Variants in GLRB observed in about 807,000 individuals in gnomAD.
GLRB encodes glycine receptor beta.
In GLRB, 33 loss-of-function variants were observed where a neutral mutation model predicts 54.2. The observed-to-expected ratio is 0.61, with a 90% CI of 0.46 to 0.81. The LOEUF (loss-of-function observed/expected upper bound fraction) is 0.81. GLRB is among the 40% of genes least tolerant of loss of function. GLRB has a pLI of 0.00. For synonymous variants in GLRB, 209 were observed against 208.2 expected (o/e 1.00, Z -0.03); for missense variants, 572 against 584.6 (o/e 0.98, Z 0.22).
chr4:157,148,850 T>C (rs974709692), intron 8 of GLRB, among the ~76,000 whole-genome samples: 1 of 152,114 alleles, frequency 6.6e-6, no homozygotes, highest in Non-Finnish European at 1.5e-5. Flanking sequence ...ACCGTCAAGT[T>C]GGTTAGTAGC....
intron 2 of GLRB, among the ~76,000 whole-genome samples, chr4:157,085,691 G>T (rs1734384392): frequency 6.6e-6 from 1 of 151,990 alleles, no homozygotes; most frequent in South Asian, 2.1e-4. Context: ...TAGAGATGGG[G>T]TTTCACTGTG....
intron 2 of GLRB, among the ~76,000 whole-genome samples, 168 bp from the exon 3 acceptor site, chr4:157,120,388 A>C (rs1455918947): frequency 6.8e-6 from 1 of 147,002 alleles, no homozygotes; most frequent in Non-Finnish European, 1.5e-5. Flanking sequence ...TATAATAATA[A>C]TAAAATAAAA....
At chr4:157,089,354 G>A (rs1027675394) in intron 2 of GLRB, among the ~76,000 whole-genome samples, 2 of 152,130 alleles carry the variant, frequency 1.3e-5, no homozygotes, top group African/African-American at 4.8e-5. Flanking sequence ...AGCCATTATT[G>A]CGATCATGCT....
chr4:157,104,757 T>A (rs1367585615), intron 2 of GLRB, among the ~76,000 whole-genome samples: 1 of 152,072 alleles, frequency 6.6e-6, no homozygotes, highest in African/African-American at 2.4e-5. Flanking sequence ...GTTCAGCTTT[T>A]CTGTTTCTTT....
At chr4:157,159,696 G>C (rs1328710285) in intron 9 of GLRB, among the ~76,000 whole-genome samples, 1 of 152,154 alleles carries the variant, frequency 6.6e-6, no homozygotes, top group African/African-American at 2.4e-5. Flanking sequence ...TGTGATCATG[G>C]TGGATAACCT....
At chr4:157,109,752 T>A (rs145718884) in intron 2 of GLRB, among the ~76,000 whole-genome samples, 1 of 152,008 alleles carries the variant, frequency 6.6e-6, no homozygotes, top group Non-Finnish European at 1.5e-5. Context: ...ATTAATATGC[T>A]AGAGCAGCTC....
intron 2 of GLRB, among the ~76,000 whole-genome samples, chr4:157,110,340 G>A (rs1038067108): frequency 3.3e-5 from 5 of 151,674 alleles, no homozygotes; most frequent in Non-Finnish European, 7.4e-5. Context: ...TCACTCTTTT[G>A]TTTTTTCTTT....
At chr4:157,080,461 G>A (rs533546331) in intron 2 of GLRB, among the ~76,000 whole-genome samples, 6 of 152,250 alleles carry the variant, frequency 3.9e-5, no homozygotes, top group African/African-American at 1.2e-4. Flanking sequence ...TTTCATTTGA[G>A]CATTTTATTA....
chr4:157,168,100 C>T (rs1246744931), intron 9 of GLRB, among the ~76,000 whole-genome samples: 1 of 147,088 alleles, frequency 6.8e-6, no homozygotes, highest in East Asian at 2.0e-4. Flanking sequence ...ATCCAAACCA[C>T]ATCAACCAGT....
At chr4:157,169,910 T>A (rs191909147) in intron 9 of GLRB, among the ~76,000 whole-genome samples, 328 of 152,260 alleles carry the variant, frequency 2.2e-3, no homozygotes, top group African/African-American at 7.6e-3. Flanking sequence ...ATTGTGACCA[T>A]TTTTTAGTCC....
At chr4:157,163,722 G>A (rs972301602) in intron 9 of GLRB, among the ~76,000 whole-genome samples, 5 of 152,000 alleles carry the variant, frequency 3.3e-5, no homozygotes, top group Non-Finnish European at 7.4e-5. Flanking sequence ...GGGATTATAT[G>A]AGACAAAAGG....
chr4:157,127,316 G>A (rs1015879596), intron 4 of GLRB, among the ~76,000 whole-genome samples: 1 of 151,396 alleles, frequency 6.6e-6, no homozygotes, highest in African/African-American at 2.4e-5. Flanking sequence ...ACATATCTTA[G>A]TAGATTTTAC....
intron 2 of GLRB, among the ~76,000 whole-genome samples, chr4:157,083,478 G>A (rs1357877102): frequency 6.6e-6 from 1 of 152,116 alleles, no homozygotes; most frequent in Non-Finnish European, 1.5e-5. Flanking sequence ...ACGCAGGCAC[G>A]TGGGATAATT....
chr4:157,081,982 C>T (rs1734237646), intron 2 of GLRB, among the ~76,000 whole-genome samples: 1 of 152,192 alleles, frequency 6.6e-6, no homozygotes, highest in African/African-American at 2.4e-5. Context: ...CGCATCAACT[C>T]TCATATACCC....
At chr4:157,151,382 C>G (rs1737017050) in intron 8 of GLRB, among the ~76,000 whole-genome samples, 1 of 151,982 alleles carries the variant, frequency 6.6e-6, no homozygotes, top group South Asian at 2.1e-4. Flanking sequence ...CCACTTTTGA[C>G]CACAGTTTGA....
intron 2 of GLRB, among the ~76,000 whole-genome samples, chr4:157,102,713 C>A (rs1024102098): frequency 1.3e-5 from 2 of 152,072 alleles, no homozygotes; most frequent in African/African-American, 4.8e-5. Context: ...TTATGCTGAA[C>A]AGGTTGGCCA....
chr4:157,083,935 G>C (rs921944121), intron 2 of GLRB, among the ~76,000 whole-genome samples: 7 of 151,980 alleles, frequency 4.6e-5, no homozygotes, highest in Admixed American at 6.6e-5. Context: ...TAATGATCAG[G>C]ATAACAAATG....
intron 2 of GLRB, among the ~76,000 whole-genome samples, chr4:157,087,273 G>A (rs1734445736): frequency 6.6e-6 from 1 of 152,068 alleles, no homozygotes; most frequent in South Asian, 2.1e-4. Context: ...AATCATGATG[G>A]CAAAGACCTT....
At chr4:157,140,914 T>C (rs993708605) in intron 7 of GLRB, among the ~76,000 whole-genome samples, 2 of 151,888 alleles carry the variant, frequency 1.3e-5, no homozygotes, top group Admixed American at 1.3e-4. Context: ...GATTATATAA[T>C]AGCTTTGAAA....
Sources: gnomAD v4.1 joint callset for allele counts (sites outside exome capture counted in the v4.1 genomes callset) on GRCh38, gnomAD v4.1.1 for gene constraint, MANE v1.5 for transcripts, NCBI Gene and HGNC (gene_info 2026-07-23, HGNC 2026-07-21) for gene names.